ZNF385D: variants seen among roughly 807,000 people sequenced by gnomAD.
The protein encoded by ZNF385D is zinc finger protein 385D.
Under a neutral mutation model 35.8 loss-of-function variants are expected in ZNF385D, and 15 were observed. The observed-to-expected ratio is 0.42, with a 90% confidence interval of 0.28 to 0.64. The LOEUF (loss-of-function observed/expected upper bound fraction) is 0.64. ZNF385D is among the 30% of genes least tolerant of loss of function. ZNF385D has a pLI of 0.23. For missense variants in ZNF385D, 474 were observed against 494.6 expected, an observed-to-expected ratio of 0.96 and a Z score of 0.39; for synonymous variants, 212 against 186.8, an observed-to-expected ratio of 1.13 and a Z score of -1.10.
At chr3:22,047,687 G>A (rs561645079) in intron 3 of ZNF385D, among the ~76,000 whole-genome samples, 2 of 152,146 alleles carry the variant, frequency 1.3e-5, no homozygotes, top group Non-Finnish European at 2.9e-5. Flanking sequence ...TAGCTATTGT[G>A]AATGTTTCTT....
At chr3:22,114,561 A>G (rs901944129) in intron 3 of ZNF385D, among the ~76,000 whole-genome samples, 3 of 152,092 alleles carry the variant, frequency 2.0e-5, no homozygotes, top group Non-Finnish European at 4.4e-5. Context: ...AAAAGAAGCC[A>G]GTGGAAGGTA....
At chr3:21,923,232 G>C (rs1342462386) in intron 3 of ZNF385D, among the ~76,000 whole-genome samples, 1 of 149,618 alleles carries the variant, frequency 6.7e-6, no homozygotes, top group South Asian at 2.1e-4. Flanking sequence ...CCCTTCCTGT[G>C]TCCAAGTGTT....
chr3:22,241,641 T>A (rs1326788507), intron 2 of ZNF385D, among the ~76,000 whole-genome samples: 4 of 151,164 alleles, frequency 2.6e-5, no homozygotes, highest in African/African-American at 9.8e-5. Flanking sequence ...AGGGTAGAAT[T>A]TTCTTGAACA....
chr3:21,664,430 A>G (rs1575421509), intron 2 of ZNF385D, among the ~76,000 whole-genome samples: 1 of 152,208 alleles, frequency 6.6e-6, no homozygotes, highest in Admixed American at 6.5e-5. Flanking sequence ...AGTGCTGTAT[A>G]CTTAAAACAT....
intron 2 of ZNF385D, among the ~76,000 whole-genome samples, chr3:22,202,102 TTTC>T (rs1159741819): frequency 6.6e-6 from 1 of 152,098 alleles, no homozygotes; most frequent in African/African-American, 2.4e-5. Flanking sequence ...ATTATTTGCC[TTTC>T]TTTAGTTCAA....
At chr3:21,945,298 G>A (rs534394813) in intron 3 of ZNF385D, among the ~76,000 whole-genome samples, 1 of 152,196 alleles carries the variant, frequency 6.6e-6, no homozygotes, top group African/African-American at 2.4e-5. Flanking sequence ...TGACTTAATA[G>A]AGTTTGTGAA....
rs1026647361 is a variant in ZNF385D at position 21,412,769 on chromosome 3, T to A, written c.*8445A>T. 1.3e-5 allele frequency: 2 copies of A among 152,084 alleles called. No individual in the cohort carries two copies. The highest frequency in any genetic ancestry group is 4.8e-5 in the African/African-American group (2 of 41,428). 9.4% of individuals were successfully genotyped at this position (152,084 alleles called of 1,614,324 possible). A position where few individuals can be genotyped will look rare whatever the true frequency, so the allele number is the denominator to read the frequency against. ...CATCTTAAAGAATTCCTAATAAAAATAAATATTAATTTGTTCACAGCTGCA... is the reference window on the plus strand; with the variant it reads ...CATCTTAAAGAATTCCTAATAAAAAAAAATATTAATTTGTTCACAGCTGCA... On this transcript the variant is annotated 3_prime_UTR_variant, in exon 8 of 8. Transcript: ENST00000281523.
intron 2 of ZNF385D, among the ~76,000 whole-genome samples, chr3:22,196,056 A>G (rs2125234040): frequency 6.6e-6 from 1 of 152,170 alleles, no homozygotes; most frequent in African/African-American, 2.4e-5. Context: ...GAGGATCAGG[A>G]AAAATAACGA....
intron 2 of ZNF385D, among the ~76,000 whole-genome samples, chr3:22,238,599 G>A (rs1282363615): frequency 6.6e-6 from 1 of 150,700 alleles, no homozygotes; most frequent in Non-Finnish European, 1.5e-5. Flanking sequence ...CATTGCTGGT[G>A]CATAGAAATA....
chr3:21,875,397 T>C (rs1266298812), intron 3 of ZNF385D, among the ~76,000 whole-genome samples: 1 of 152,044 alleles, frequency 6.6e-6, no homozygotes, highest in African/African-American at 2.4e-5. Flanking sequence ...CCCATTTGCT[T>C]TGGATCCCAC....
chr3:22,140,539 T>C (rs934348300), intron 3 of ZNF385D, among the ~76,000 whole-genome samples: 2 of 152,266 alleles, frequency 1.3e-5, no homozygotes, highest in South Asian at 2.1e-4. Context: ...CCCAAAAACA[T>C]GTAAAAGCTA....
intron 3 of ZNF385D, among the ~76,000 whole-genome samples, chr3:21,899,613 CA>C (rs1699301803): frequency 6.6e-6 from 1 of 152,128 alleles, no homozygotes; most frequent in Non-Finnish European, 1.5e-5. Flanking sequence ...AAACATTTAT[CA>C]GTTGTGACAT....
rs570724248 is a variant in ZNF385D, at chr3:21,525,396, TA to T, written c.277-14374del. On this transcript the variant is annotated intron_variant, in intron 3 of 7. Transcript: ENST00000281523. ...AAAGTTTTCTCTAAGTAAGAATTAT[TA>T]AAATTTTGGGCCGGGCATGGTGGCT... Among the ~76,000 whole-genome samples, 496 of 152,248 alleles carry T rather than the reference TA, an allele frequency of 3.3e-3. 1 individual carries two copies. Among genetic ancestry groups the T allele is most frequent in the Non-Finnish European group, 5.5e-3 (376 of 68,000 alleles).
At chr3:21,719,508 G>A (rs970929352) in intron 1 of ZNF385D, among the ~76,000 whole-genome samples, 2 of 152,138 alleles carry the variant, frequency 1.3e-5, no homozygotes, top group African/African-American at 2.4e-5. Flanking sequence ...TAATTTTACC[G>A]ATCCTCAAAC....
At chr3:21,782,658 A>T (rs2071539204) in intron 3 of ZNF385D, among the ~76,000 whole-genome samples, 1 of 152,126 alleles carries the variant, frequency 6.6e-6, no homozygotes, top group South Asian at 2.1e-4. Flanking sequence ...CCTAATATAC[A>T]TAACAAATGT....
At chr3:22,082,331 T>C (rs1258037235) in intron 3 of ZNF385D, among the ~76,000 whole-genome samples, 3 of 152,020 alleles carry the variant, frequency 2.0e-5, no homozygotes, top group East Asian at 1.9e-4. Flanking sequence ...ACCTGGAAAA[T>C]TGGGACACTT....
At chr3:22,133,093 T>C (rs1703896203) in intron 3 of ZNF385D, among the ~76,000 whole-genome samples, 1 of 152,190 alleles carries the variant, frequency 6.6e-6, no homozygotes, top group South Asian at 2.1e-4. Context: ...GTGCAGCTAA[T>C]TTATCTCTTT....
chr3:22,003,023 G>C (rs571686693), intron 3 of ZNF385D, among the ~76,000 whole-genome samples: 1 of 152,228 alleles, frequency 6.6e-6, no homozygotes, highest in African/African-American at 2.4e-5. Context: ...ATAAGAAAAG[G>C]ATGCCCACTC....
intron 3 of ZNF385D, among the ~76,000 whole-genome samples, chr3:22,143,573 C>G (rs1334895063): frequency 6.6e-6 from 1 of 152,046 alleles, no homozygotes; most frequent in Non-Finnish European, 1.5e-5. Flanking sequence ...CTTTGGCATA[C>G]TGAGATAACA....
Sources: gnomAD v4.1 joint callset for allele counts (sites outside exome capture counted in the v4.1 genomes callset) on GRCh38, gnomAD v4.1.1 for gene constraint, MANE v1.5 for transcripts, NCBI Gene and HGNC (gene_info 2026-07-23, HGNC 2026-07-21) for gene names.